The following RIPK1 variants were observed in gnomAD, a reference collection of about 807,000 sequenced individuals.
RIPK1 encodes receptor interacting serine/threonine kinase 1, also known as receptor-interacting serine/threonine-protein kinase 1.
RIPK1 carries 27 observed loss-of-function variants against 62.4 expected under a neutral mutation model. The ratio of observed to expected loss-of-function variants is 0.43; its 90% CI spans 0.32 to 0.60. The LOEUF (loss-of-function observed/expected upper bound fraction) is 0.60. Ranked by LOEUF, RIPK1 falls within the 20% of genes least tolerant of loss-of-function variation. The pLI is 0.07. For missense variants in RIPK1, 735 were observed against 831.0 expected (o/e 0.88, Z 1.42); for synonymous variants, 287 against 303.2 (o/e 0.95, Z 0.55).
rs1277673007 is a variant in RIPK1, at chr6:3,113,641, G to A, written c.*302G>A. Reference sequence around the variant, plus strand: ...CGCCCAGCCAACAATCCGCTCTGAGGAAAGCGTAAGCAGGAAGACCTCTTA... The same window carrying A: ...CGCCCAGCCAACAATCCGCTCTGAGAAAAGCGTAAGCAGGAAGACCTCTTA... On this transcript the variant is annotated 3_prime_UTR_variant, in exon 11 of 11. Coordinates refer to ENST00000259808, the MANE Select transcript of RIPK1 (RefSeq NM_001354930.2). The surrounding 1 kb of genome is among the most constrained non-coding windows in gnomAD (Gnocchi z 5.0). 9.6e-6 allele frequency: 3 copies of A among 312,094 alleles called. No homozygotes were observed. The highest frequency in any genetic ancestry group is 1.2e-5 in the Non-Finnish European group (2 of 166,466). 19.3% of individuals were successfully genotyped at this position (312,094 alleles called of 1,614,324 possible). A position where few individuals can be genotyped will look rare whatever the true frequency, so the allele number is the denominator to read the frequency against.
chr6:3,089,481 CA>C (rs1159929793), intron 6 of RIPK1, 99 bp from the exon 7 acceptor site: 1 of 680,042 alleles, frequency 1.5e-6, no homozygotes, highest in Non-Finnish European at 2.6e-6. Flanking sequence ...AAGCTTTGCC[CA>C]CAGATTGAGG....
intron 7 of RIPK1, among the ~76,000 whole-genome samples, chr6:3,099,751 T>C (rs1410243030): frequency 1.3e-5 from 2 of 152,176 alleles, no homozygotes; most frequent in Non-Finnish European, 2.9e-5. Context: ...AAATGCAGAA[T>C]AACAAGCAGT....
intron 7 of RIPK1, among the ~76,000 whole-genome samples, chr6:3,095,437 C>T (rs1445746005): frequency 1.3e-5 from 2 of 152,168 alleles, no homozygotes; most frequent in Admixed American, 1.3e-4. Flanking sequence ...GAGAACTCTT[C>T]CAGATTCACT....
At chr6:3,108,502 C>T (rs568247968) in intron 9 of RIPK1, among the ~76,000 whole-genome samples, 1 of 152,226 alleles carries the variant, frequency 6.6e-6, no homozygotes, top group South Asian at 2.1e-4. Context: ...CCATGTAAGC[C>T]CGCGGTGAGC....
chr6:3,097,717 G>A (rs1760385940), intron 7 of RIPK1, among the ~76,000 whole-genome samples: 1 of 152,048 alleles, frequency 6.6e-6, no homozygotes, highest in African/African-American at 2.4e-5. Flanking sequence ...AGCTGTAGTG[G>A]TAAGAACTGA....
upstream of RIPK1, among the ~76,000 whole-genome samples, chr6:3,067,596 G>A (rs1219976079): frequency 2.6e-5 from 3 of 113,922 alleles, no homozygotes; most frequent in African/African-American, 8.3e-5. Flanking sequence ...CATTTTAAGA[G>A]GGTTTTTTTT....
chr6:3,087,827 T>C (rs541224775), intron 6 of RIPK1, among the ~76,000 whole-genome samples: 17 of 152,320 alleles, frequency 1.1e-4, no homozygotes, highest in South Asian at 4.1e-4. Context: ...TGTGAGCCAC[T>C]GTGTCCGGCC....
chr6:3,106,187 C>G, intron 9 of RIPK1, 136 bp downstream of exon 9: 1 of 686,530 alleles, frequency 1.5e-6, no homozygotes. Flanking sequence ...CAAATTGCCC[C>G]TGTGGAATGG....
chr6:3,103,452 C>A (rs952703135), intron 7 of RIPK1, among the ~76,000 whole-genome samples: 18 of 151,996 alleles, frequency 1.2e-4, no homozygotes, highest in African/African-American at 4.1e-4. Context: ...CAGGCACACA[C>A]CATCATGCCT....
chr6:3,081,783 CG>C (rs1164600802), intron 4 of RIPK1, among the ~76,000 whole-genome samples: 1 of 142,282 alleles, frequency 7.0e-6, no homozygotes, highest in Non-Finnish European at 1.5e-5. Flanking sequence ...TCGCCTGAAC[CG>C]GGGAGGTGGA....
At chr6:3,069,879 C>T (rs1758607627) in intron 1 of RIPK1, among the ~76,000 whole-genome samples, 1 of 152,066 alleles carries the variant, frequency 6.6e-6, no homozygotes, top group South Asian at 2.1e-4. Flanking sequence ...GGTGTGGTGG[C>T]GGGTCCCTGT....
At chr6:3,112,233 T>A (rs1311889240) in intron 10 of RIPK1, among the ~76,000 whole-genome samples, 1 of 152,130 alleles carries the variant, frequency 6.6e-6, no homozygotes. Flanking sequence ...GCTTTGTAAC[T>A]GAATGGGTTC....
chr6:3,099,731 G>A (rs923525749), intron 7 of RIPK1, among the ~76,000 whole-genome samples: 1 of 152,202 alleles, frequency 6.6e-6, no homozygotes, highest in East Asian at 1.9e-4. Context: ...GTGATACAGT[G>A]TGTTGGTGAA....
intron 1 of RIPK1, among the ~76,000 whole-genome samples, chr6:3,071,962 C>T (rs1030131978): frequency 6.6e-6 from 1 of 152,182 alleles, no homozygotes; most frequent in African/African-American, 2.4e-5. Flanking sequence ...TAGTTCCTGC[C>T]TGTTTCTTTA....
chr6:3,067,051 A>ATTTTTT (rs36132424), upstream of RIPK1, among the ~76,000 whole-genome samples: 2,126 of 58,902 alleles, frequency 0.036, 59 homozygotes, highest in Non-Finnish European at 0.043. Context: ...TTGCTCCAGG[A>ATTTTTT]TTTTTTTTTT....
intron 3 of RIPK1, among the ~76,000 whole-genome samples, chr6:3,079,981 C>T (rs189376862): frequency 6.6e-6 from 1 of 152,222 alleles, no homozygotes; most frequent in African/African-American, 2.4e-5. Context: ...ATCAGGAGGA[C>T]CTGAGAGAGA....
chr6:3,085,217 TGAGAGAGGA>T (rs1561756648), intron 5 of RIPK1, 33 bp from the exon 6 acceptor site: 40 of 1,611,600 alleles, frequency 2.5e-5, no homozygotes, highest in Non-Finnish European at 3.4e-5. Flanking sequence ...CCTTCCTGCC[TGAGAGAGGA>T]GCAAGACCTG....
At chr6:3,078,398 C>T (rs1759204554) in intron 3 of RIPK1, among the ~76,000 whole-genome samples, 1 of 152,192 alleles carries the variant, frequency 6.6e-6, no homozygotes, top group African/African-American at 2.4e-5. Flanking sequence ...ATCTTCCTTG[C>T]CTTTTACTGC....
At position 3,104,099 on chromosome 6, in the gene RIPK1, A is replaced by T. The variant is rs1014720809; in HGVS notation, c.916-126A>T. ...TTTGGGAAAAACATTAATTTTAAAA[A>T]ATTACTACTTGTAAGATCTGTGTGA... On this transcript the variant is annotated intron_variant, in intron 7 of 10. Coordinates refer to ENST00000259808, the MANE Select transcript of RIPK1 (RefSeq NM_001354930.2). 3.2e-5 allele frequency: 18 copies of T among 562,922 alleles called. No homozygotes were observed. In the African/African-American group the frequency reaches 3.2e-4, roughly 10 times the overall value. 34.9% of individuals were successfully genotyped at this position (562,922 alleles called of 1,614,324 possible).
Sources: gnomAD v4.1 joint callset for allele counts (sites outside exome capture counted in the v4.1 genomes callset) on GRCh38, gnomAD v4.1.1 for gene constraint, Gnocchi (gnomAD v3.1) non-coding constraint, MANE v1.5 for transcripts, NCBI Gene and HGNC (gene_info 2026-07-23, HGNC 2026-07-21) for gene names.